Variants in DCLK1 observed in about 807,000 individuals in gnomAD.
The protein encoded by DCLK1 is doublecortin like kinase 1.
In DCLK1, 16 loss-of-function variants were observed where a neutral mutation model predicts 86.2. The observed-to-expected ratio is 0.19, with a 90% CI of 0.13 to 0.28. The LOEUF (loss-of-function observed/expected upper bound fraction) is 0.28. Ranked by LOEUF, DCLK1 falls within the 10% of genes least tolerant of loss-of-function variation. DCLK1 has a pLI of 1.00. For synonymous variants in DCLK1, 369 were observed against 370.5 expected, an observed-to-expected ratio of 1.00 and a Z score of 0.05; for missense variants, 590 against 940.2, an observed-to-expected ratio of 0.63 and a Z score of 4.87.
rs571501491 is a variant in DCLK1 at position 35,848,776 on chromosome 13, C to T, written c.1035+5723G>A. ...TTTAAAGTAACTGTTCCACTGCTTT[C>T]TTTGTATTTTTGGCAGTTTAGTCAA... On this transcript the variant is annotated intron_variant, in intron 6 of 16. Coordinates refer to ENST00000360631, the MANE Select transcript of DCLK1 (RefSeq NM_001330071.2). The T allele has an allele frequency of 6.1e-6, 6 of 985,310 alleles. No individual in the cohort carries two copies. The South Asian group carries it at 1.9e-4, about 31-fold the overall frequency. 61.0% of individuals were successfully genotyped at this position (985,310 alleles called of 1,614,324 possible). A position where few individuals can be genotyped will look rare whatever the true frequency, so the allele number is the denominator to read the frequency against.
intron 6 of DCLK1, among the ~76,000 whole-genome samples, chr13:35,854,167 T>C (rs958994306): frequency 1.3e-5 from 2 of 152,278 alleles, no homozygotes; most frequent in South Asian, 4.2e-4. Flanking sequence ...TTCTTTCCCT[T>C]AATGGTGATA....
intron 3 of DCLK1, among the ~76,000 whole-genome samples, chr13:35,973,171 C>T (rs181548589): frequency 7.1e-4 from 108 of 152,262 alleles, no homozygotes; most frequent in African/African-American, 2.2e-3. Context: ...GAACACACTG[C>T]GTTCTCCAGG....
At chr13:35,869,075 GCCA>G in intron 5 of DCLK1, 1 of 503,024 alleles carries the variant, frequency 2.0e-6, no homozygotes, top group South Asian at 1.5e-5. Flanking sequence ...ACAGGTATGA[GCCA>G]CCAGGCCCGG....
intron 3 of DCLK1, among the ~76,000 whole-genome samples, chr13:35,999,257 AC>A (rs72161900): frequency 0.46 from 53,034 of 116,478 alleles, 10,297 homozygotes; most frequent in Non-Finnish European, 0.56. Flanking sequence ...TCTGTCTCAA[AC>A]AAAAAAAAAA....
At chr13:35,781,233 C>G (rs1413772238) in intron 16 of DCLK1, among the ~76,000 whole-genome samples, 1 of 152,158 alleles carries the variant, frequency 6.6e-6, no homozygotes, top group African/African-American at 2.4e-5. Flanking sequence ...AGTTTAATCC[C>G]CTTGGAAGCA....
chr13:35,828,446 T>TA, intron 8 of DCLK1, 139 bp from the exon 9 acceptor site: 1 of 710,514 alleles, frequency 1.4e-6, no homozygotes. Flanking sequence ...CTTTCCTTTT[T>TA]TAAAAAAAAA....
chr13:36,015,396 C>G (rs1359205180), intron 3 of DCLK1, among the ~76,000 whole-genome samples: 1 of 152,110 alleles, frequency 6.6e-6, no homozygotes, highest in African/African-American at 2.4e-5. Flanking sequence ...GAATGGAAAC[C>G]CTCAAATGAG....
chr13:36,111,704 C>T (rs917281610), intron 3 of DCLK1, among the ~76,000 whole-genome samples, 165 bp downstream of exon 3: 1 of 152,148 alleles, frequency 6.6e-6, no homozygotes, highest in African/African-American at 2.4e-5. Context: ...TAATCCTGCT[C>T]AACTCAAACT....
chr13:35,810,792 T>G (rs1419976145), intron 12 of DCLK1, 43 bp downstream of exon 12: 2 of 1,604,270 alleles, frequency 1.2e-6, no homozygotes, highest in Non-Finnish European at 1.7e-6. Flanking sequence ...AGCGGGCTAG[T>G]TCTTTTGCAA....
chr13:35,972,569 G>C (rs983644310), intron 3 of DCLK1, among the ~76,000 whole-genome samples: 2 of 152,112 alleles, frequency 1.3e-5, no homozygotes, highest in Non-Finnish European at 1.5e-5. Flanking sequence ...GATATGTGGA[G>C]TCAACAGAGG....
At chr13:36,015,955 G>T in intron 3 of DCLK1, among the ~76,000 whole-genome samples, 1 of 152,178 alleles carries the variant, frequency 6.6e-6, no homozygotes, top group East Asian at 1.9e-4. Flanking sequence ...ATTAGAACCA[G>T]TTAACCAGCA....
chr13:35,894,139 AAC>A (rs935716805), intron 4 of DCLK1, among the ~76,000 whole-genome samples: 1 of 152,042 alleles, frequency 6.6e-6, no homozygotes, highest in African/African-American at 2.4e-5. Flanking sequence ...CAAACAAACA[AAC>A]AAAAAAAAAA....
At chr13:36,046,410 T>G (rs1280420988) in intron 3 of DCLK1, among the ~76,000 whole-genome samples, 1 of 152,212 alleles carries the variant, frequency 6.6e-6, no homozygotes, top group African/African-American at 2.4e-5. Context: ...TATAACACAT[T>G]CCTTAAAATA....
At chr13:35,841,638 A>G (rs904339407) in intron 6 of DCLK1, among the ~76,000 whole-genome samples, 1 of 152,196 alleles carries the variant, frequency 6.6e-6, no homozygotes, top group Admixed American at 6.5e-5. Flanking sequence ...AAGTCATTTC[A>G]AATTTTCTGC....
At chr13:36,011,758 C>G (rs1466659569) in intron 3 of DCLK1, among the ~76,000 whole-genome samples, 1 of 151,388 alleles carries the variant, frequency 6.6e-6, no homozygotes, top group Non-Finnish European at 1.5e-5. Flanking sequence ...TGGTGCAGAG[C>G]TGAGTTCAAT....
chr13:36,031,469 A>G (rs1048116665), intron 3 of DCLK1, among the ~76,000 whole-genome samples: 8 of 152,240 alleles, frequency 5.3e-5, no homozygotes, highest in Non-Finnish European at 1.2e-4. Flanking sequence ...GTACGTACAT[A>G]TATATGTGTG....
chr13:36,119,266 T>C, intron 2 of DCLK1, among the ~76,000 whole-genome samples: 1 of 152,158 alleles, frequency 6.6e-6, no homozygotes, highest in East Asian at 1.9e-4. Context: ...GTTAAAATAA[T>C]GTCAGTTGAT....
chr13:35,842,666 T>A (rs1262861974), intron 6 of DCLK1, among the ~76,000 whole-genome samples: 1 of 152,234 alleles, frequency 6.6e-6, no homozygotes, highest in Non-Finnish European at 1.5e-5. Context: ...CCATAGCATT[T>A]CACCTTTACA....
chr13:36,131,763 C>T (rs1022784871), upstream of DCLK1, among the ~76,000 whole-genome samples: 6 of 152,194 alleles, frequency 3.9e-5, no homozygotes, highest in Admixed American at 3.9e-4. Flanking sequence ...GGTACCCACA[C>T]TCATACCTTT....
Sources: gnomAD v4.1 joint callset for allele counts (sites outside exome capture counted in the v4.1 genomes callset) on GRCh38, gnomAD v4.1.1 for gene constraint, MANE v1.5 for transcripts, NCBI Gene and HGNC (gene_info 2026-07-23, HGNC 2026-07-21) for gene names.